MYH9: variants seen among roughly 807,000 people sequenced by gnomAD.
MYH9 encodes myosin heavy chain 9.
In MYH9, 29 loss-of-function variants were observed where a neutral mutation model predicts 241.9. The ratio of observed to expected loss-of-function variants is 0.12; its 90% CI spans 0.09 to 0.16. The LOEUF (loss-of-function observed/expected upper bound fraction) is 0.16. Ranked by LOEUF, MYH9 falls within the 10% of genes least tolerant of loss-of-function variation. MYH9 has a pLI of 1.00. For synonymous variants in MYH9, 1,047 were observed against 1,062.6 expected (o/e 0.99, Z 0.29); for missense variants, 1,803 against 2,595.5 (o/e 0.69, Z 6.63).
intron 1 of MYH9, among the ~76,000 whole-genome samples, chr22:36,360,723 A>G (rs1312329269): frequency 6.6e-6 from 1 of 151,884 alleles, no homozygotes; most frequent in Non-Finnish European, 1.5e-5. Flanking sequence ...AAAAAAAAAA[A>G]AAAGAAAGAA....
At chr22:36,351,653 A>G (rs2017766627) in intron 1 of MYH9, among the ~76,000 whole-genome samples, 3 of 151,986 alleles carry the variant, frequency 2.0e-5, no homozygotes, top group Admixed American at 2.0e-4. Context: ...CAGGCTCCCC[A>G]AAGTCTCCCC....
Position 36,349,066 on chromosome 22 carries a change from C to T in MYH9, c.171G>A (p.Glu57=). 6.2e-7 allele frequency: 1 copy of T among 1,614,264 alleles called. No homozygotes were observed. The highest frequency in any genetic ancestry group is 8.5e-7 in the Non-Finnish European group (1 of 1,180,046). Residue 57 remains glutamate, a synonymous_variant, in exon 2 of 41, where the codon GAG becomes GAA. Coordinates refer to ENST00000216181, the MANE Select transcript of MYH9 (RefSeq NM_002473.6). ...TCACCTTCTTCCCATTCTCCACCAG[C>T]TCCACGATGGCCTCTTCGCCCACCT... ...KEEVGEEAIV[E]LVENGKKVKV...
intron 3 of MYH9, among the ~76,000 whole-genome samples, chr22:36,332,684 A>C (rs969973633): frequency 6.6e-5 from 10 of 151,250 alleles, no homozygotes; most frequent in African/African-American, 2.4e-4. Flanking sequence ...AAAAAAAAAA[A>C]AAAAAACCTC....
Position 36,284,086 on chromosome 22 carries a change from G to A in MYH9, c.5765+7C>T, listed in dbSNP as rs755146783. The A allele has an allele frequency of 2.3e-5, 37 of 1,614,098 alleles. No homozygotes were observed. In the South Asian group the frequency reaches 2.7e-4, roughly 12 times the overall value. ...AGGCAAAGGGGCGGGTGGGCAGGGC[G>A]GCTCACCTGAGCTTGTTCTTTAGGG... On this transcript the variant is annotated splice_region_variant and intron_variant, in intron 40 of 40. Coordinates refer to ENST00000216181, the MANE Select transcript of MYH9 (RefSeq NM_002473.6).
chr22:36,363,796 GGGAA>G (rs2017970545), intron 1 of MYH9, among the ~76,000 whole-genome samples: 1 of 152,188 alleles, frequency 6.6e-6, no homozygotes, highest in South Asian at 2.1e-4. Flanking sequence ...CGGCTGACAG[GGGAA>G]GGGTTTGGTT....
In MYH9 at chr22:36,320,762, G is replaced by A; in HGVS notation, c.868+36C>T. On this transcript the variant is annotated intron_variant, in intron 8 of 40. Coordinates refer to ENST00000216181, the MANE Select transcript of MYH9 (RefSeq NM_002473.6). The surrounding 1 kb of genome is among the most constrained non-coding windows in gnomAD (Gnocchi z 4.8). ...ATTCTGGCAAGAGGCCCAGAGCCCG[G>A]CAGCCCCGGTGTCAGGCTGCAGGCC... 1 of 1,555,666 alleles carries A rather than the reference G, an allele frequency of 6.4e-7. No homozygotes were observed. Among genetic ancestry groups the A allele is most frequent in the Non-Finnish European group, 8.9e-7 (1 of 1,128,078 alleles).
chr22:36,378,489 T>C (rs1485885936), intron 1 of MYH9, among the ~76,000 whole-genome samples: 1 of 152,118 alleles, frequency 6.6e-6, no homozygotes, highest in Non-Finnish European at 1.5e-5. Context: ...TATAACAAAT[T>C]ATCACCGGAG....
In MYH9 at chr22:36,289,164, G is replaced by C. The variant is rs371535403; in HGVS notation, c.4478C>G (p.Ala1493Gly). Residue 1493 changes from alanine to glycine, a missense_variant, in exon 32 of 41, where the codon GCG (alanine) becomes GGG (glycine). Physicochemically the swap from Ala to Gly is moderately conservative, Grantham distance 60. This residue lies in a region of MYH9 where 876 missense variants were observed against 1,077.8 expected (regional missense o/e 0.81). Coordinates refer to ENST00000216181, the MANE Select transcript of MYH9 (RefSeq NM_002473.6). ...RALEEAMEQKAELERLNKQFR... is the reference protein window; with the variant it reads ...RALEEAMEQKGELERLNKQFR... ...CTGCTTGTTGAGCCGCTCCAGCTCC[G>C]CCTTCTGCTCCATGGCTTCCTCCAG... The C allele has an allele frequency of 5.0e-6, 8 of 1,613,716 alleles. No homozygotes were observed. Among genetic ancestry groups the C allele is most frequent in the Non-Finnish European group, 6.8e-6 (8 of 1,180,036 alleles).
At chr22:36,325,200 A>G in intron 5 of MYH9, 1 of 694,670 alleles carries the variant, frequency 1.4e-6, no homozygotes, top group South Asian at 1.6e-5. Context: ...GAGACAGAAG[A>G]AAAGAAACTG....
At chr22:36,312,260 C>T in intron 13 of MYH9, 38 bp from the exon 14 acceptor site, 1 of 1,608,744 alleles carries the variant, frequency 6.2e-7, no homozygotes, top group Non-Finnish European at 8.5e-7. Flanking sequence ...TGAGTGCACC[C>T]TGGGAGGGGC....
chr22:36,342,169 G>C (rs539208377), intron 2 of MYH9, among the ~76,000 whole-genome samples: 2 of 152,282 alleles, frequency 1.3e-5, no homozygotes, highest in East Asian at 3.9e-4. Context: ...CTTCCTCTCT[G>C]GAGGGGAACC....
Position 36,320,940 on chromosome 22 carries a change from G to GC in MYH9, c.770-45dup. On this transcript the variant is annotated intron_variant, in intron 7 of 40. Coordinates refer to ENST00000216181, the MANE Select transcript of MYH9 (RefSeq NM_002473.6). The surrounding 1 kb of genome is among the most constrained non-coding windows in gnomAD (Gnocchi z 4.8). ...GCAACACAAGCTGGGGAGAAGGCAA[G>GC]CCCTCCACTTTCCTCATTTTTTTTT... is the stretch of plus-strand genomic sequence containing the variant. 6.5e-7 allele frequency: 1 copy of GC among 1,536,268 alleles called. No homozygotes were observed. The highest frequency in any genetic ancestry group is 2.3e-5 in the East Asian group (1 of 44,286).
In MYH9 at chr22:36,295,090, T is replaced by A. The variant is rs2016767840; in HGVS notation, c.3486-14A>T. 6 of 1,614,044 alleles carry A rather than the reference T, an allele frequency of 3.7e-6. No individual in the cohort carries two copies. Among genetic ancestry groups the A allele is most frequent in the Non-Finnish European group, 5.1e-6 (6 of 1,180,016 alleles). On this transcript the variant is annotated splice_polypyrimidine_tract_variant and intron_variant, in intron 26 of 40. Transcript: ENST00000216181. This position sits in a 1 kb window ranked among gnomAD's most constrained non-coding sequence, Gnocchi z 4.1. ...TCACGTTTTGACCTGGACAGAGAAATCCCCTCAGAGTGGAGGCCGGGGATG... is the reference window on the plus strand; with the variant it reads ...TCACGTTTTGACCTGGACAGAGAAAACCCCTCAGAGTGGAGGCCGGGGATG...
Position 36,330,209 on chromosome 22 carries a change from A to T in MYH9, c.491-2721T>A, listed in dbSNP as rs2017400659. Among the ~76,000 whole-genome samples, 1 of 152,198 alleles carries T rather than the reference A, an allele frequency of 6.6e-6. No individual in the cohort carries two copies. Among genetic ancestry groups the T allele is most frequent in the Non-Finnish European group, 1.5e-5 (1 of 68,038 alleles). Reference sequence around the variant, plus strand: ...TTACCACTGTCAACACAGCCTAACCATACCTTAAAGAAATCTGGATTTGTT... The same window carrying T: ...TTACCACTGTCAACACAGCCTAACCTTACCTTAAAGAAATCTGGATTTGTT... On this transcript the variant is annotated intron_variant, in intron 3 of 40. Coordinates refer to ENST00000216181, the MANE Select transcript of MYH9 (RefSeq NM_002473.6). The surrounding 1 kb of genome is among the most constrained non-coding windows in gnomAD (Gnocchi z 4.5).
intron 1 of MYH9, among the ~76,000 whole-genome samples, chr22:36,375,921 A>G (rs960146696): frequency 6.7e-6 from 1 of 149,490 alleles, no homozygotes; most frequent in Non-Finnish European, 1.5e-5. Context: ...AAGCATCAGC[A>G]TGGTACCTAG....
chr22:36,309,407 C>G lies in MYH9; in HGVS notation c.1729-11G>C. 1 of 1,607,424 alleles carries G rather than the reference C, an allele frequency of 6.2e-7. No homozygotes were observed. The highest frequency in any genetic ancestry group is 8.5e-7 in the Non-Finnish European group (1 of 1,173,942). ...AGCTTTGTAATCCACCTGGCGGGGT[C>G]AGAGAGGCAGGAGTCACAAGCTGCG... On this transcript the variant is annotated splice_polypyrimidine_tract_variant and intron_variant, in intron 14 of 40. Transcript: ENST00000216181.
intron 25 of MYH9, among the ~76,000 whole-genome samples, chr22:36,296,606 G>C (rs2146339510): frequency 6.7e-6 from 1 of 150,242 alleles, no homozygotes; most frequent in Admixed American, 6.6e-5. Context: ...ACTATTGTAG[G>C]TGGGTGATAG....
Position 36,289,184 on chromosome 22 carries a change from C to T in MYH9, c.4458G>A (p.Glu1486=), listed in dbSNP as rs760573020. 5.0e-6 allele frequency: 8 copies of T among 1,613,718 alleles called. No homozygotes were observed. The South Asian group carries it at 7.7e-5, about 16-fold the overall frequency. The change falls in exon 32 of 41, where the codon GAG becomes GAA. Residue 1486 remains glutamate, a synonymous_variant. Transcript: ENST00000216181. ...TKALSLARAL[E]EAMEQKAELE... is the part of the protein sequence containing the mutation. ...GCTCCGCCTTCTGCTCCATGGCTTC[C>T]TCCAGGGCCCGGGCCAGCGACAGAG...
intron 3 of MYH9, among the ~76,000 whole-genome samples, chr22:36,341,108 T>C (rs2017580650): frequency 6.6e-6 from 1 of 152,186 alleles, no homozygotes; most frequent in Non-Finnish European, 1.5e-5. Flanking sequence ...ACAAGAGCTC[T>C]TGAAAAGTAT....
Sources: gnomAD v4.1 joint callset for allele counts (sites outside exome capture counted in the v4.1 genomes callset) on GRCh38, gnomAD v4.1.1 for gene constraint, gnomAD v4.1.1 regional missense constraint, Gnocchi (gnomAD v3.1) non-coding constraint, MANE v1.5 for transcripts, NCBI Gene and HGNC (gene_info 2026-07-23, HGNC 2026-07-21) for gene names.